SMIM21: variants seen among roughly 807,000 people sequenced by gnomAD.
SMIM21 encodes chromosome 18 open reading frame 62.
In SMIM21, 8 loss-of-function variants were observed where a neutral mutation model predicts 8.6. The observed-to-expected ratio is 0.93, with a 90% CI of 0.55 to 1.68. SMIM21 has a LOEUF of 1.68. Ranked by LOEUF, SMIM21 falls within the 40% of genes most tolerant of loss-of-function variation. The pLI, the probability that SMIM21 is intolerant of heterozygous loss-of-function variation, is 0.00. For synonymous variants in SMIM21, 43 were observed against 41.7 expected, an observed-to-expected ratio of 1.03 and a Z score of -0.12; for missense variants, 132 against 123.0, an observed-to-expected ratio of 1.07 and a Z score of -0.35.
intron 2 of SMIM21, chr18:75,412,484 C>T (rs908603765): frequency 1.3e-5 from 2 of 152,252 alleles, no homozygotes; most frequent in Non-Finnish European, 2.9e-5. Context: ...CTGGCAGAAT[C>T]TTCCTGGTTT....
intron 1 of SMIM21, among the ~76,000 whole-genome samples, chr18:75,426,549 T>G (rs1485511787): frequency 1.4e-5 from 2 of 145,466 alleles, no homozygotes; most frequent in African/African-American, 5.2e-5. Context: ...GACCTTGTGA[T>G]CTCCTCGCCT....
At chr18:75,426,044 C>T (rs1288386590) in intron 1 of SMIM21, among the ~76,000 whole-genome samples, 1 of 152,088 alleles carries the variant, frequency 6.6e-6, no homozygotes, top group African/African-American at 2.4e-5. Flanking sequence ...TCATGCACCC[C>T]ATCACAGCCC....
chr18:75,426,197 A>G (rs954312695), intron 1 of SMIM21, among the ~76,000 whole-genome samples: 10 of 152,224 alleles, frequency 6.6e-5, no homozygotes, highest in South Asian at 2.1e-4. Flanking sequence ...TCGACTTACA[A>G]CTATCACATA....
intron 1 of SMIM21, among the ~76,000 whole-genome samples, chr18:75,426,625 A>C (rs2024765327): frequency 8.8e-6 from 1 of 113,294 alleles, no homozygotes; most frequent in African/African-American, 3.6e-5. Flanking sequence ...CATTACTTTT[A>C]AAATGTAAAA....
chr18:75,411,041 TG>T (rs2024578797), intron 2 of SMIM21, 132 bp from the exon 3 acceptor site: 4 of 1,325,936 alleles, frequency 3.0e-6, no homozygotes, highest in Non-Finnish European at 4.1e-6. Context: ...CCCAAGATTT[TG>T]GAGTGTTTTG....
Position 75,425,284 on chromosome 18 carries a change from G to A in SMIM21, c.129+2151C>T, listed in dbSNP as rs145915596. Among the ~76,000 whole-genome samples, 831 of 152,170 alleles carry A rather than the reference G, an allele frequency of 5.5e-3. 10 individuals carry two copies. The highest frequency in any genetic ancestry group is 0.018 in the African/African-American group (737 of 41,496). On this transcript the variant is annotated intron_variant, in intron 1 of 2. Coordinates refer to ENST00000579022, the MANE Select transcript of SMIM21 (RefSeq NM_001037331.3). ...GCAAACAGGAGATACTGAGTTTCCA[G>A]TACATAAGAACTCCTAGATGCATGA...
At position 75,410,820 on chromosome 18, in the gene SMIM21, G is replaced by C. The variant is rs1461226215; in HGVS notation, c.*44C>G. On this transcript the variant is annotated 3_prime_UTR_variant, in exon 3 of 3. Transcript: ENST00000579022. Reference sequence around the variant, plus strand: ...TAATTTCTTTTCATCTTGAGCAGGGGAAATCCATGGTATGAAGGCCATGAG... The same window carrying C: ...TAATTTCTTTTCATCTTGAGCAGGGCAAATCCATGGTATGAAGGCCATGAG... The C allele has an allele frequency of 6.2e-7, 1 of 1,611,414 alleles. No individual in the cohort carries two copies. The highest frequency in any genetic ancestry group is 2.2e-5 in the East Asian group (1 of 44,870).
chr18:75,414,640 C>T (rs989675478), intron 2 of SMIM21, among the ~76,000 whole-genome samples: 2 of 152,210 alleles, frequency 1.3e-5, no homozygotes, highest in African/African-American at 4.8e-5. Flanking sequence ...TCTCCTCCAG[C>T]TCATCCGCAT....
At chr18:75,413,648 C>T (rs2024606429) in intron 2 of SMIM21, among the ~76,000 whole-genome samples, 1 of 152,224 alleles carries the variant, frequency 6.6e-6, no homozygotes, top group African/African-American at 2.4e-5. Context: ...TGCCTCTCTT[C>T]TCCACTTCCC....
At chr18:75,413,155 T>G (rs2024601103) in intron 2 of SMIM21, among the ~76,000 whole-genome samples, 1 of 152,142 alleles carries the variant, frequency 6.6e-6, no homozygotes, top group Admixed American at 6.5e-5. Flanking sequence ...ATCCTAAGGA[T>G]GCTTCCTGAA....
At chr18:75,413,593 T>C (rs1189406690) in intron 2 of SMIM21, among the ~76,000 whole-genome samples, 1 of 152,204 alleles carries the variant, frequency 6.6e-6, no homozygotes, top group African/African-American at 2.4e-5. Flanking sequence ...CCATTCGTGG[T>C]CTGGTATGAT....
At position 75,424,076 on chromosome 18, in the gene SMIM21, AAAG is replaced by A. The variant is rs1295698329; in HGVS notation, c.129+3356_129+3358del. On this transcript the variant is annotated intron_variant, in intron 1 of 2. Transcript: ENST00000579022. ...TTGTCTCTTCTTCATTCAACAATAC[AAAG>A]AAGAAGACCACCCATAGTTGTAATC... 5.3e-5 allele frequency among the ~76,000 whole-genome samples: 8 copies of A among 152,334 alleles called. 1 individual carries two copies. The South Asian group carries it at 8.3e-4, about 16-fold the overall frequency.
At chr18:75,420,125 G>A (rs2024693563) in intron 1 of SMIM21, among the ~76,000 whole-genome samples, 1 of 152,198 alleles carries the variant, frequency 6.6e-6, no homozygotes, top group Non-Finnish European at 1.5e-5. Context: ...CTGATGATGG[G>A]AGAAACTGGA....
intron 1 of SMIM21, among the ~76,000 whole-genome samples, chr18:75,424,850 G>A (rs1599109897): frequency 1.3e-5 from 2 of 152,166 alleles, no homozygotes; most frequent in African/African-American, 4.8e-5. Context: ...TGGGAGAACA[G>A]GCCCTTTTCA....
chr18:75,427,451 T>C lies in SMIM21; in HGVS notation c.113A>G (p.Lys38Arg). The change falls in exon 1 of 3, where the codon AAG becomes AGG. Residue 38 changes from lysine (K) to arginine (R), a missense_variant. Lys to Arg is a conservative substitution (Grantham distance 26). Coordinates refer to ENST00000579022, the MANE Select transcript of SMIM21 (RefSeq NM_001037331.3). ...GRIFKGNLLQ[K>R]KALTTFENEH... ...TAAACTCACTGTGGTAAGTGCTTTC[T>C]TCTGCAGCAAATTCCCCTTGAATAT... The C allele has an allele frequency of 1.2e-6, 2 of 1,614,014 alleles. No individual in the cohort carries two copies. Among genetic ancestry groups the C allele is most frequent in the Non-Finnish European group, 8.5e-7 (1 of 1,179,966 alleles).
intron 1 of SMIM21, among the ~76,000 whole-genome samples, chr18:75,423,325 C>T (rs1453937193): frequency 6.6e-6 from 1 of 152,128 alleles, no homozygotes; most frequent in Middle Eastern, 3.2e-3. Flanking sequence ...GAGAGGTTGT[C>T]CTTTTAACTT....
chr18:75,410,950 G>C (rs1479284138), intron 2 of SMIM21, 41 bp from the exon 3 acceptor site: 4 of 1,606,918 alleles, frequency 2.5e-6, no homozygotes, highest in Non-Finnish European at 3.4e-6. Context: ...TTATTTTTTT[G>C]ATAGATATAA....
rs374288102 is a variant in SMIM21 at position 75,422,769 on chromosome 18, G to T, written c.130-3853C>A. Among the ~76,000 whole-genome samples, 465 of 152,328 alleles carry T rather than the reference G, an allele frequency of 3.1e-3. 2 individuals are homozygous for T. Among genetic ancestry groups the T allele is most frequent in the African/African-American group, 0.01 (433 of 41,570 alleles). ...AATGTCCAGAATAGGTAAAGCCATA[G>T]AAACAGGATGTGGTTGTCAGGGTCT... On this transcript the variant is annotated intron_variant, in intron 1 of 2. Transcript: ENST00000579022.
Position 75,418,776 on chromosome 18 carries a change from G to T in SMIM21, c.260+10C>A. ...TTTTTTTTTAACTGCTAAGGTTATC[G>T]TTTACCTACTTTCGAAATATGCTGT... On this transcript the variant is annotated intron_variant, in intron 2 of 2. Transcript: ENST00000579022. The T allele has an allele frequency of 6.3e-7, 1 of 1,597,188 alleles. No individual in the cohort carries two copies. The highest frequency in any genetic ancestry group is 8.5e-7 in the Non-Finnish European group (1 of 1,171,724).
Sources: gnomAD v4.1 joint callset for allele counts (sites outside exome capture counted in the v4.1 genomes callset) on GRCh38, gnomAD v4.1.1 for gene constraint, MANE v1.5 for transcripts, NCBI Gene and HGNC (gene_info 2026-07-23, HGNC 2026-07-21) for gene names.